GRIA1: variants seen among roughly 807,000 people sequenced by gnomAD.
The protein encoded by GRIA1 is glutamate receptor 1.
Under a neutral mutation model 99.2 loss-of-function variants are expected in GRIA1, and 31 were observed. The ratio of observed to expected loss-of-function variants is 0.31; its 90% CI spans 0.23 to 0.42. GRIA1 has a LOEUF of 0.42. Among genes scored for constraint, GRIA1 ranks in the 10% least tolerant of loss-of-function variants. The pLI, the probability that GRIA1 is intolerant of heterozygous loss-of-function variation, is 1.00. For missense variants in GRIA1, 782 were observed against 1,157.5 expected, an observed-to-expected ratio of 0.68 and a Z score of 4.71; for synonymous variants, 438 against 432.4, an observed-to-expected ratio of 1.01 and a Z score of -0.16.
intron 2 of GRIA1, among the ~76,000 whole-genome samples, chr5:153,502,170 A>T (rs1561589886): frequency 6.6e-6 from 1 of 152,094 alleles, no homozygotes; most frequent in Non-Finnish European, 1.5e-5. Flanking sequence ...GGTCACGCTT[A>T]TCCCCAGGTT....
intron 5 of GRIA1, among the ~76,000 whole-genome samples, chr5:153,673,556 G>A (rs1457409987): frequency 1.3e-5 from 2 of 152,216 alleles, no homozygotes; most frequent in Non-Finnish European, 2.9e-5. Flanking sequence ...GAGTGACTGA[G>A]TGAACCAATG....
intron 2 of GRIA1, among the ~76,000 whole-genome samples, chr5:153,620,645 G>A (rs1361653976): frequency 1.3e-5 from 2 of 152,090 alleles, no homozygotes; most frequent in Non-Finnish European, 2.9e-5. Flanking sequence ...TTAAATATTA[G>A]ACTAAAAACA....
intron 14 of GRIA1, chr5:153,795,470 T>A: frequency 5.3e-6 from 8 of 1,519,684 alleles, no homozygotes; most frequent in Non-Finnish European, 6.4e-6. Flanking sequence ...TCCCCCCTGG[T>A]TGAAGAGGTC....
chr5:153,739,573 A>G (rs2149572185), intron 11 of GRIA1, among the ~76,000 whole-genome samples: 1 of 152,362 alleles, frequency 6.6e-6, no homozygotes, highest in African/African-American at 2.4e-5. Context: ...GAGCTGTGAG[A>G]TATAAAATAA....
At chr5:153,590,383 A>G (rs1188640150) in intron 2 of GRIA1, among the ~76,000 whole-genome samples, 4 of 152,104 alleles carry the variant, frequency 2.6e-5, no homozygotes, top group Admixed American at 6.6e-5. Flanking sequence ...AGAGTAAAAT[A>G]CTGAAGTTCT....
At chr5:153,602,830 T>G (rs1765105696) in intron 2 of GRIA1, among the ~76,000 whole-genome samples, 1 of 152,078 alleles carries the variant, frequency 6.6e-6, no homozygotes, top group Admixed American at 6.5e-5. Flanking sequence ...GAACATCCAC[T>G]GTTTGGCCAG....
chr5:153,610,555 G>A (rs892556224), intron 2 of GRIA1, among the ~76,000 whole-genome samples: 6 of 152,220 alleles, frequency 3.9e-5, no homozygotes, highest in Non-Finnish European at 8.8e-5. Flanking sequence ...GCTACTCTAT[G>A]CAAAATAATC....
intron 8 of GRIA1, among the ~76,000 whole-genome samples, chr5:153,690,722 A>T (rs758695745): frequency 6.6e-6 from 1 of 152,228 alleles, no homozygotes; most frequent in Non-Finnish European, 1.5e-5. Context: ...ATCCATGAGC[A>T]AATGGTTGTG....
At chr5:153,594,256 C>T (rs1379325735) in intron 2 of GRIA1, among the ~76,000 whole-genome samples, 2 of 152,162 alleles carry the variant, frequency 1.3e-5, no homozygotes, top group Non-Finnish European at 2.9e-5. Context: ...CACCTGAAGA[C>T]TCAGACCCTT....
intron 13 of GRIA1, among the ~76,000 whole-genome samples, chr5:153,786,732 GAAAT>G (rs1372977000): frequency 2.6e-5 from 4 of 152,186 alleles, no homozygotes; most frequent in Non-Finnish European, 4.4e-5. Context: ...AGGTCAATGA[GAAAT>G]AAAGTGCTCA....
intron 2 of GRIA1, chr5:153,558,183 C>T (rs921392388): frequency 1.3e-5 from 2 of 151,978 alleles, no homozygotes; most frequent in Non-Finnish European, 2.9e-5. Context: ...ATGGGACCAC[C>T]GTCATATAAG....
chr5:153,734,112 C>T (rs1761223479), intron 11 of GRIA1, among the ~76,000 whole-genome samples: 1 of 152,168 alleles, frequency 6.6e-6, no homozygotes, highest in Admixed American at 6.5e-5. Context: ...ATGCATTTCC[C>T]TTCTCTGCCC....
intron 8 of GRIA1, among the ~76,000 whole-genome samples, chr5:153,695,371 A>G (rs549945680): frequency 3.1e-4 from 47 of 152,210 alleles, no homozygotes; most frequent in Non-Finnish European, 5.7e-4. Flanking sequence ...GAGAAAGGCA[A>G]CTCTTGCGGG....
At chr5:153,565,404 A>G (rs999686880) in intron 2 of GRIA1, among the ~76,000 whole-genome samples, 3 of 152,196 alleles carry the variant, frequency 2.0e-5, no homozygotes, top group Non-Finnish European at 4.4e-5. Context: ...AAAAAGTAAA[A>G]TAGCAATTTC....
chr5:153,503,956 T>C (rs1755246555), intron 2 of GRIA1, among the ~76,000 whole-genome samples: 1 of 152,176 alleles, frequency 6.6e-6, no homozygotes, highest in African/African-American at 2.4e-5. Flanking sequence ...CATAGATATG[T>C]CATATATCAG....
At chr5:153,595,053 T>C (rs1764308947) in intron 2 of GRIA1, among the ~76,000 whole-genome samples, 1 of 152,072 alleles carries the variant, frequency 6.6e-6, no homozygotes, top group Admixed American at 6.5e-5. Context: ...CTTCATCCAC[T>C]CTCCATCCTT....
intron 1 of GRIA1, chr5:153,492,456 G>A (rs1754012636): frequency 1.3e-6 from 1 of 784,210 alleles, no homozygotes; most frequent in Admixed American, 3.7e-5. Flanking sequence ...AAAGGGGACA[G>A]GGAAGTGTTT....
intron 11 of GRIA1, among the ~76,000 whole-genome samples, chr5:153,744,990 T>C (rs945410580): frequency 6.6e-6 from 1 of 151,954 alleles, no homozygotes; most frequent in African/African-American, 2.4e-5. Flanking sequence ...CAATCCAGAG[T>C]CCATACCCTA....
chr5:153,551,742 C>T (rs1263322783), intron 2 of GRIA1, among the ~76,000 whole-genome samples: 1 of 152,142 alleles, frequency 6.6e-6, no homozygotes, highest in Non-Finnish European at 1.5e-5. Flanking sequence ...CCATCCTCCT[C>T]CCTGAACCCC....
Sources: gnomAD v4.1 joint callset for allele counts (sites outside exome capture counted in the v4.1 genomes callset) on GRCh38, gnomAD v4.1.1 for gene constraint, MANE v1.5 for transcripts, NCBI Gene and HGNC (gene_info 2026-07-23, HGNC 2026-07-21) for gene names.